DPYD: variants seen among roughly 807,000 people sequenced by gnomAD.
The protein encoded by DPYD is dihydropyrimidine dehydrogenase [NADP(+)].
In DPYD, 109 loss-of-function variants were observed where a neutral mutation model predicts 116.2. That is an observed-to-expected ratio of 0.94 (90% CI 0.80 to 1.10). The LOEUF (loss-of-function observed/expected upper bound fraction) is 1.10, where lower values mean the gene tolerates loss of function less well. DPYD is among the 50% of genes least tolerant of loss of function. DPYD has a pLI of 0.00. For missense variants in DPYD, 1,302 were observed against 1,254.5 expected, an observed-to-expected ratio of 1.04 and a Z score of -0.57; for synonymous variants, 440 against 432.0, an observed-to-expected ratio of 1.02 and a Z score of -0.23.
At chr1:97,685,632 T>C (rs981896869) in intron 7 of DPYD, among the ~76,000 whole-genome samples, 4 of 152,288 alleles carry the variant, frequency 2.6e-5, no homozygotes, top group Middle Eastern at 3.4e-3. Context: ...AAGCAACTTC[T>C]GCAAAGTCTC....
At chr1:97,837,549 T>A (rs1364036071) in intron 2 of DPYD, among the ~76,000 whole-genome samples, 1 of 152,156 alleles carries the variant, frequency 6.6e-6, no homozygotes, top group East Asian at 1.9e-4. Flanking sequence ...CCCTTAATAA[T>A]TATCCTTGCA....
intron 18 of DPYD, among the ~76,000 whole-genome samples, chr1:97,242,016 A>G (rs949044526): frequency 6.7e-6 from 1 of 149,422 alleles, no homozygotes; most frequent in Non-Finnish European, 1.5e-5. Context: ...CATTGGCTTC[A>G]AAATTATGAA....
intron 15 of DPYD, among the ~76,000 whole-genome samples, chr1:97,381,920 T>C (rs1230361530): frequency 6.6e-6 from 1 of 152,236 alleles, no homozygotes; most frequent in African/African-American, 2.4e-5. Flanking sequence ...CCCGCTCTTT[T>C]ATGCATGTCT....
rs1339399851 is a variant in DPYD, at chr1:97,589,105, C to T, written c.1128+4113G>A. Among the ~76,000 whole-genome samples, 4 of 152,282 alleles carry T rather than the reference C, an allele frequency of 2.6e-5. No individual in the cohort carries two copies. The East Asian group carries it at 7.7e-4, about 29-fold the overall frequency. On this transcript the variant is annotated intron_variant, in intron 10 of 22. Coordinates refer to ENST00000370192, the MANE Select transcript of DPYD (RefSeq NM_000110.4). ...AACAAGCCCTCTAGGTGACTTAATG[C>T]ACCCTAAAGTTTGAAAACCTCTACA...
At chr1:97,760,421 A>C (rs1665508720) in intron 3 of DPYD, among the ~76,000 whole-genome samples, 1 of 152,126 alleles carries the variant, frequency 6.6e-6, no homozygotes, top group African/African-American at 2.4e-5. Context: ...AATTTCAAAA[A>C]ATAAAAAATA....
chr1:97,126,846 G>A (rs1427031349), intron 20 of DPYD, among the ~76,000 whole-genome samples: 1 of 152,102 alleles, frequency 6.6e-6, no homozygotes, highest in Non-Finnish European at 1.5e-5. Flanking sequence ...AAAATTCCCT[G>A]GGAACAGCAT....
intron 8 of DPYD, among the ~76,000 whole-genome samples, chr1:97,635,935 T>A (rs1657532647): frequency 6.6e-6 from 1 of 152,084 alleles, no homozygotes; most frequent in Non-Finnish European, 1.5e-5. Context: ...TCTTCCCACC[T>A]CAGCCTCCCC....
chr1:97,776,903 T>C (rs1432794779), intron 3 of DPYD, among the ~76,000 whole-genome samples: 1 of 152,244 alleles, frequency 6.6e-6, no homozygotes, highest in Non-Finnish European at 1.5e-5. Context: ...TAGTTGTTAC[T>C]GTTATTACAA....
chr1:97,422,537 G>T lies in DPYD; in HGVS notation c.1905+27522C>A, dbSNP rs376600605. On this transcript the variant is annotated intron_variant, in intron 14 of 22. Coordinates refer to ENST00000370192, the MANE Select transcript of DPYD (RefSeq NM_000110.4). ...ACCTTTTTTAGAATGTATTTTTCTG[G>T]TCTGGATTTCAGATGTCTCATTTCC... Among the ~76,000 whole-genome samples, 532 of 152,166 alleles carry T rather than the reference G, an allele frequency of 3.5e-3. 8 individuals are homozygous for T. The South Asian group carries it at 0.049, about 14-fold the overall frequency.
At chr1:97,236,128 C>T (rs1322926225) in intron 18 of DPYD, among the ~76,000 whole-genome samples, 1 of 152,118 alleles carries the variant, frequency 6.6e-6, no homozygotes, top group South Asian at 2.1e-4. Context: ...ATTTGATATT[C>T]CTGGTGTTCC....
At chr1:97,325,517 T>G (rs1668665266) in intron 16 of DPYD, among the ~76,000 whole-genome samples, 2 of 152,054 alleles carry the variant, frequency 1.3e-5, no homozygotes, top group Non-Finnish European at 1.5e-5. Context: ...CCTCTAACCA[T>G]GAAAGCTTTA....
chr1:97,373,359 C>G (rs1007910444), intron 16 of DPYD, among the ~76,000 whole-genome samples: 1 of 152,232 alleles, frequency 6.6e-6, no homozygotes, highest in African/African-American at 2.4e-5. Flanking sequence ...ATATTTTCCT[C>G]AATAAAACTA....
intron 8 of DPYD, among the ~76,000 whole-genome samples, chr1:97,635,422 T>C (rs1657503736): frequency 6.6e-6 from 1 of 152,148 alleles, no homozygotes; most frequent in Non-Finnish European, 1.5e-5. Flanking sequence ...GAGAGGAATG[T>C]ACTGCCTACT....
intron 15 of DPYD, among the ~76,000 whole-genome samples, chr1:97,376,503 T>C (rs1042664121): frequency 6.6e-6 from 1 of 152,156 alleles, no homozygotes. Flanking sequence ...CAGACAATGC[T>C]GTTCAAGGTG....
At chr1:97,257,205 AT>A (rs754789336) in intron 18 of DPYD, among the ~76,000 whole-genome samples, 36 of 152,156 alleles carry the variant, frequency 2.4e-4, no homozygotes, top group African/African-American at 7.7e-4. Context: ...AATTAAAAAA[AT>A]AATAGGTTGG....
chr1:97,552,034 G>A (rs1183963556), intron 11 of DPYD, among the ~76,000 whole-genome samples: 4 of 151,966 alleles, frequency 2.6e-5, no homozygotes, highest in Non-Finnish European at 5.9e-5. Context: ...GAGCATAGAT[G>A]GATTTTGGTA....
intron 16 of DPYD, among the ~76,000 whole-genome samples, chr1:97,362,160 A>G (rs1415736409): frequency 6.6e-6 from 1 of 152,212 alleles, no homozygotes; most frequent in Non-Finnish European, 1.5e-5. Context: ...TACACCAATA[A>G]CGGACAAACA....
intron 8 of DPYD, among the ~76,000 whole-genome samples, chr1:97,655,051 A>G (rs1658826336): frequency 6.6e-6 from 1 of 152,120 alleles, no homozygotes; most frequent in South Asian, 2.1e-4. Context: ...CCCTCTCACA[A>G]CATGTAGGAA....
intron 16 of DPYD, among the ~76,000 whole-genome samples, chr1:97,361,984 C>CAT (rs1557657639): frequency 6.6e-6 from 1 of 152,096 alleles, no homozygotes; most frequent in Non-Finnish European, 1.5e-5. Context: ...AAATAAAGGG[C>CAT]ATTCAATTAG....
Sources: allele counts gnomAD v4.1 joint callset (sites outside exome capture counted in the v4.1 genomes callset), GRCh38; gene constraint gnomAD v4.1.1; transcripts MANE v1.5; gene names NCBI Gene and HGNC (gene_info 2026-07-23, HGNC 2026-07-21).